FBXO42: variants seen among roughly 807,000 people sequenced by gnomAD.
The protein encoded by FBXO42 is F-box only protein 42.
In FBXO42, 12 loss-of-function variants were observed where a neutral mutation model predicts 71.7. The ratio of observed to expected loss-of-function variants is 0.17; its 90% confidence interval spans 0.11 to 0.27. FBXO42 has a LOEUF of 0.27. Among genes scored for constraint, FBXO42 ranks in the 10% least tolerant of loss-of-function variants. The pLI is 1.00. For missense variants in FBXO42, 707 were observed against 911.9 expected (o/e 0.78, Z 2.89); for synonymous variants, 325 against 327.5 (o/e 0.99, Z 0.08).
chr1:16,304,015 T>C (rs1326039625), intron 3 of FBXO42, among the ~76,000 whole-genome samples: 2 of 152,120 alleles, frequency 1.3e-5, no homozygotes, highest in Admixed American at 6.6e-5. Context: ...ATGTTGGCTA[T>C]GCTGTTCTCA....
At chr1:16,331,196 G>A (rs146073556) in intron 1 of FBXO42, among the ~76,000 whole-genome samples, 3,970 of 146,462 alleles carry the variant, frequency 0.027, 176 homozygotes, top group African/African-American at 0.092. Flanking sequence ...GGCGGATCAC[G>A]AGGTCAGGAG....
chr1:16,304,177 T>C (rs927602186), intron 3 of FBXO42, among the ~76,000 whole-genome samples: 1 of 145,886 alleles, frequency 6.9e-6, no homozygotes, highest in African/African-American at 2.5e-5. Context: ...AGTGCAATGG[T>C]GCAATCTCGG....
chr1:16,345,866 G>C (rs1359942100), intron 1 of FBXO42, among the ~76,000 whole-genome samples: 1 of 126,862 alleles, frequency 7.9e-6, no homozygotes. Flanking sequence ...AAAAAAAAAA[G>C]ACACCAGGTC....
chr1:16,300,828 A>ATTCT (rs1013157520), intron 3 of FBXO42, among the ~76,000 whole-genome samples: 1 of 151,510 alleles, frequency 6.6e-6, no homozygotes, highest in African/African-American at 2.4e-5. Flanking sequence ...TGAAAAGGAC[A>ATTCT]TTCTACATTA....
intron 4 of FBXO42, chr1:16,292,168 T>G (rs1385797710): frequency 1.3e-5 from 2 of 152,260 alleles, no homozygotes; most frequent in African/African-American, 4.8e-5. Context: ...AAATGCTCTA[T>G]TTTTAAAAAT....
At chr1:16,337,777 G>A (rs1445767653) in intron 1 of FBXO42, among the ~76,000 whole-genome samples, 2 of 148,614 alleles carry the variant, frequency 1.3e-5, no homozygotes, top group Admixed American at 6.9e-5. Flanking sequence ...TCAGCTACTC[G>A]GGAGGCTGAG....
At chr1:16,289,992 C>T (rs1047086716) in intron 4 of FBXO42, among the ~76,000 whole-genome samples, 2 of 152,142 alleles carry the variant, frequency 1.3e-5, no homozygotes, top group African/African-American at 4.8e-5. Context: ...TGCTTACTTG[C>T]TTCTTGTTTC....
At chr1:16,335,632 G>A (rs1461348330) in intron 1 of FBXO42, among the ~76,000 whole-genome samples, 1 of 152,010 alleles carries the variant, frequency 6.6e-6, no homozygotes, top group Non-Finnish European at 1.5e-5. Context: ...TTGGGAGGCC[G>A]AGGCGGGTGG....
At chr1:16,288,688 T>C (rs929768686) in intron 4 of FBXO42, among the ~76,000 whole-genome samples, 1 of 152,138 alleles carries the variant, frequency 6.6e-6, no homozygotes, top group Admixed American at 6.6e-5. Context: ...CCGGGCGCAG[T>C]GGCTCATGCC....
rs192309381 is a variant in FBXO42, at chr1:16,278,044, A to G, written c.502+16739T>C. Among the ~76,000 whole-genome samples the G allele has an allele frequency of 2.8e-3, 428 of 150,934 alleles. 1 individual carries two copies. The highest frequency in any genetic ancestry group is 4.7e-3 in the Non-Finnish European group (320 of 67,750). Reference sequence around the variant, plus strand: ...GTGATGGAGTGACACCCTGTATCAAAAAATAAATAATTTTTAAAAATCCAC... The same window carrying G: ...GTGATGGAGTGACACCCTGTATCAAGAAATAAATAATTTTTAAAAATCCAC... On this transcript the variant is annotated intron_variant, in intron 4 of 9. Transcript: ENST00000375592.
At chr1:16,346,652 C>T (rs2082656649) in intron 1 of FBXO42, among the ~76,000 whole-genome samples, 1 of 146,386 alleles carries the variant, frequency 6.8e-6, no homozygotes, top group Admixed American at 7.0e-5. Context: ...TGCGCCACTG[C>T]ACTCCAGCCT....
chr1:16,305,197 C>T (rs566648782), intron 3 of FBXO42, among the ~76,000 whole-genome samples: 5 of 151,740 alleles, frequency 3.3e-5, no homozygotes, highest in South Asian at 4.2e-4. Flanking sequence ...CAAGCCTGGG[C>T]AATACAGTGA....
At chr1:16,307,362 A>G (rs2082262924) in intron 2 of FBXO42, among the ~76,000 whole-genome samples, 1 of 152,100 alleles carries the variant, frequency 6.6e-6, no homozygotes, top group Non-Finnish European at 1.5e-5. Flanking sequence ...TTAGCCAGGC[A>G]TGGTGGTCTG....
chr1:16,275,772 G>T (rs1456870080), intron 4 of FBXO42, among the ~76,000 whole-genome samples: 4 of 152,188 alleles, frequency 2.6e-5, no homozygotes, highest in Admixed American at 2.6e-4. Flanking sequence ...GCTTTAGGAC[G>T]CTGAGGTGGG....
Position 16,278,082 on chromosome 1 carries a change from C to T in FBXO42, c.502+16701G>A, listed in dbSNP as rs577640769. On this transcript the variant is annotated intron_variant, in intron 4 of 9. Coordinates refer to ENST00000375592, the MANE Select transcript of FBXO42 (RefSeq NM_018994.3). ...TTTAAAAATCCACATCCAGGCCAGG[C>T]GTGGTGGCTCATGCCTGTAATCCCA... is the stretch of plus-strand genomic sequence containing the variant. 1.3e-4 allele frequency among the ~76,000 whole-genome samples: 20 copies of T among 152,210 alleles called. No homozygotes were observed. The East Asian group carries it at 1.5e-3, about 12-fold the overall frequency.
intron 3 of FBXO42, among the ~76,000 whole-genome samples, chr1:16,303,906 C>T (rs1029720434): frequency 2.1e-4 from 32 of 151,956 alleles, no homozygotes; most frequent in Middle Eastern, 3.4e-3. Flanking sequence ...CCACCATGCC[C>T]GGGTAATTTT....
At chr1:16,254,159 C>T (rs995567491) in intron 6 of FBXO42, among the ~76,000 whole-genome samples, 3 of 152,160 alleles carry the variant, frequency 2.0e-5, no homozygotes, top group South Asian at 2.1e-4. Flanking sequence ...GCTCTTTCCA[C>T]GAGGCCTCAT....
At chr1:16,334,433 A>C (rs915571167) in intron 1 of FBXO42, among the ~76,000 whole-genome samples, 1 of 151,794 alleles carries the variant, frequency 6.6e-6, no homozygotes, top group Non-Finnish European at 1.5e-5. Context: ...AAAAAAAAAA[A>C]AAAAAAACAG....
At chr1:16,323,317 C>A (rs2082423220) in intron 1 of FBXO42, among the ~76,000 whole-genome samples, 1 of 151,838 alleles carries the variant, frequency 6.6e-6, no homozygotes, top group Admixed American at 6.6e-5. Context: ...ACTCGGGAGG[C>A]TGAGGCCAGA....
Sources: gnomAD v4.1 joint callset for allele counts (sites outside exome capture counted in the v4.1 genomes callset) on GRCh38, gnomAD v4.1.1 for gene constraint, MANE v1.5 for transcripts, NCBI Gene and HGNC (gene_info 2026-07-23, HGNC 2026-07-21) for gene names.